The following ADGRV1 variants were observed in gnomAD, a reference collection of about 807,000 sequenced individuals.
ADGRV1 encodes G-protein coupled receptor 98.
ADGRV1 carries 359 observed loss-of-function variants against 596.2 expected under a neutral mutation model. The ratio of observed to expected loss-of-function variants is 0.60; its 90% CI spans 0.55 to 0.66. The LOEUF (loss-of-function observed/expected upper bound fraction) is 0.66, where lower values mean the gene tolerates loss of function less well. ADGRV1 is among the 30% of genes least tolerant of loss of function. The pLI, the probability that ADGRV1 is intolerant of heterozygous loss-of-function variation, is 0.00. For synonymous variants in ADGRV1, 2,681 were observed against 2,679.2 expected (o/e 1.00, Z -0.02); for missense variants, 7,274 against 7,575.6 (o/e 0.96, Z 1.48).
intron 83 of ADGRV1, among the ~76,000 whole-genome samples, chr5:90,893,426 C>A (rs776706286): frequency 2.0e-5 from 3 of 152,140 alleles, no homozygotes; most frequent in African/African-American, 4.8e-5. Context: ...CTACCCTAGT[C>A]TACTGTGGGA....
intron 50 of ADGRV1, among the ~76,000 whole-genome samples, chr5:90,736,364 T>C (rs1383691421): frequency 6.6e-6 from 1 of 152,138 alleles, no homozygotes; most frequent in Non-Finnish European, 1.5e-5. Context: ...CATTGTTGAA[T>C]TCAATTTGCT....
rs1309765975 is a variant in ADGRV1, at chr5:90,637,955, A to G, written c.2240+7A>G. The G allele has an allele frequency of 3.1e-6, 5 of 1,591,026 alleles. No individual in the cohort carries two copies. In the African/African-American group the frequency reaches 5.4e-5, roughly 17 times the overall value. ...TAACACTTTCTCTAGACAGGTAATA[A>G]CCCATTTAGGTAATGTTTAGTATCA... On this transcript the variant is annotated splice_region_variant and intron_variant, in intron 11 of 89. Transcript: ENST00000405460.
intron 4 of ADGRV1, among the ~76,000 whole-genome samples, chr5:90,621,194 T>C (rs1444869472): frequency 2.0e-5 from 3 of 152,194 alleles, no homozygotes; most frequent in Non-Finnish European, 4.4e-5. Context: ...TGAATCACAT[T>C]ACTAATTATA....
chr5:90,802,880 C>T lies in ADGRV1; in HGVS notation c.14659C>T (p.Gln4887Ter). 6.2e-7 allele frequency: 1 copy of T among 1,602,036 alleles called. No homozygotes were observed. The highest frequency in any genetic ancestry group is 1.3e-5 in the African/African-American group (1 of 74,842). ...AGTCTCTGAGAAAGCTGCCAATTCT[C>T]AGGTAATTGGCCCTGTGTGTGGTTC... Reference protein sequence around the residue: ...LPVSEKAANSQVGFESTAFQL... With the variant: ...LPVSEKAANS The change falls in exon 71 of 90, where the codon CAG becomes TAG. Residue 4887 changes from glutamine to a stop codon, truncating the protein, a stop_gained and splice_region_variant. Coordinates refer to ENST00000405460, the MANE Select transcript of ADGRV1 (RefSeq NM_032119.4). LOFTEE classifies it high-confidence loss of function.
intron 52 of ADGRV1, among the ~76,000 whole-genome samples, chr5:90,747,807 A>G (rs577556253): frequency 9.3e-4 from 142 of 152,312 alleles, no homozygotes; most frequent in African/African-American, 3.4e-3. Flanking sequence ...TCCAGTTCCC[A>G]GACACCAGCG....
chr5:90,815,608 C>G lies in ADGRV1; in HGVS notation c.16079-11C>G, dbSNP rs374007277. 191 of 1,442,366 alleles carry G rather than the reference C, an allele frequency of 1.3e-4. 1 individual carries two copies. In the Middle Eastern group the frequency reaches 5.2e-3, roughly 39 times the overall value. The allele number at this position is 1,442,366 out of a possible 1,614,324, so 89.3% of individuals were successfully genotyped here. A position where few individuals can be genotyped will look rare whatever the true frequency, so the allele number is the denominator to read the frequency against. ...CTTGAATATATTATAGCCCTCCATT[C>G]TTTTTTTCAGGGAGTGACCTTCACA... On this transcript the variant is annotated splice_polypyrimidine_tract_variant and intron_variant, in intron 74 of 89. Transcript: ENST00000405460.
Position 90,627,673 on chromosome 5 carries a change from G to T in ADGRV1, c.1135G>T (p.Val379Leu), listed in dbSNP as rs913212076. ...TGCTGTGCTAATAAGCCCTTCTGTT[G>T]TACAAGTCACCATTAAGCCAAATGA... is the stretch of plus-strand genomic sequence containing the variant. ...GDAVLISPSV[V>L]QVTIKPNDKP... The change falls in exon 7 of 90, where the codon GTA (valine) becomes TTA (leucine). Residue 379 changes from valine (V) to leucine (L), a missense_variant. This residue lies in a region of ADGRV1 where 1,715 missense variants were observed against 1,708.8 expected (regional missense o/e 1.00). Coordinates refer to ENST00000405460, the MANE Select transcript of ADGRV1 (RefSeq NM_032119.4). 7 of 1,613,598 alleles carry T rather than the reference G, an allele frequency of 4.3e-6. No individual in the cohort carries two copies. Among genetic ancestry groups the T allele is most frequent in the East Asian group, 2.2e-5 (1 of 44,864 alleles).
intron 70 of ADGRV1, among the ~76,000 whole-genome samples, chr5:90,798,783 A>G (rs1761028369): frequency 6.6e-6 from 1 of 152,254 alleles, no homozygotes; most frequent in Non-Finnish European, 1.5e-5. Context: ...TATGCAAATC[A>G]TTAAAAGTAA....
intron 1 of ADGRV1, among the ~76,000 whole-genome samples, chr5:90,559,393 C>G (rs978262139): frequency 6.6e-6 from 1 of 151,958 alleles, no homozygotes; most frequent in African/African-American, 2.4e-5. Flanking sequence ...ATAACCACTG[C>G]GTCGAAGAAT....
At chr5:90,806,176 G>A (rs1761883991) in intron 72 of ADGRV1, among the ~76,000 whole-genome samples, 1 of 152,160 alleles carries the variant, frequency 6.6e-6, no homozygotes, top group South Asian at 2.1e-4. Context: ...AGGAATGAAA[G>A]CTAAGGTCCT....
chr5:90,802,358 G>T (rs1038648288), intron 70 of ADGRV1, among the ~76,000 whole-genome samples: 2 of 152,034 alleles, frequency 1.3e-5, no homozygotes, highest in African/African-American at 4.8e-5. Context: ...TGGGACCACA[G>T]GTTTGCACCA....
chr5:90,873,975 C>T (rs1189256903), intron 83 of ADGRV1, among the ~76,000 whole-genome samples: 1 of 152,168 alleles, frequency 6.6e-6, no homozygotes, highest in African/African-American at 2.4e-5. Context: ...TGGTCTTAAC[C>T]TGACCCCTTT....
intron 82 of ADGRV1, among the ~76,000 whole-genome samples, chr5:90,861,431 TCCCGG>T (rs1287254922): frequency 6.6e-6 from 1 of 152,056 alleles, no homozygotes; most frequent in Non-Finnish European, 1.5e-5. Context: ...TGCCTCAGCC[TCCCGG>T]GTAGCTGGGA....
intron 83 of ADGRV1, among the ~76,000 whole-genome samples, chr5:90,907,910 G>A (rs1772472738): frequency 6.6e-6 from 1 of 152,126 alleles, no homozygotes; most frequent in Non-Finnish European, 1.5e-5. Context: ...GAGTGCAGTG[G>A]TGCAGTCTCG....
At chr5:90,621,512 G>T (rs906137056) in intron 4 of ADGRV1, among the ~76,000 whole-genome samples, 2 of 152,038 alleles carry the variant, frequency 1.3e-5, no homozygotes, top group Non-Finnish European at 2.9e-5. Flanking sequence ...GATGAAGCAG[G>T]CTCCCTTAAT....
intron 1 of ADGRV1, among the ~76,000 whole-genome samples, chr5:90,587,091 C>G (rs1758845994): frequency 6.6e-6 from 1 of 152,148 alleles, no homozygotes; most frequent in Non-Finnish European, 1.5e-5. Context: ...TTCCATCTTT[C>G]TTTTCATCCC....
chr5:90,656,147 A>G (rs1031578041), intron 20 of ADGRV1, among the ~76,000 whole-genome samples: 3 of 152,232 alleles, frequency 2.0e-5, no homozygotes, highest in African/African-American at 7.2e-5. Flanking sequence ...AAGTAGAGAA[A>G]TAATGATCAG....
At chr5:91,131,449 TTTG>T (rs975397706) in intron 87 of ADGRV1, among the ~76,000 whole-genome samples, 1 of 151,938 alleles carries the variant, frequency 6.6e-6, no homozygotes, top group South Asian at 2.1e-4. Flanking sequence ...GGTTTTTCTT[TTTG>T]TTGTTGTTGC....
intron 86 of ADGRV1, among the ~76,000 whole-genome samples, chr5:91,089,756 T>C (rs1453245296): frequency 6.6e-6 from 1 of 152,182 alleles, no homozygotes; most frequent in African/African-American, 2.4e-5. Context: ...TGGCTATTCA[T>C]GGCCAAATAC....
Sources: allele counts gnomAD v4.1 joint callset (sites outside exome capture counted in the v4.1 genomes callset), GRCh38; gene constraint gnomAD v4.1.1; regional missense constraint gnomAD v4.1.1; transcripts MANE v1.5; gene names NCBI Gene and HGNC (gene_info 2026-07-23, HGNC 2026-07-21).